Variants in SERPINB11 observed in about 807,000 individuals in gnomAD.
The protein encoded by SERPINB11 is serpin family B member 11.
In SERPINB11, 32 loss-of-function variants were observed where a neutral mutation model predicts 36.7. The observed-to-expected ratio is 0.87, with a 90% CI of 0.66 to 1.17. The LOEUF (loss-of-function observed/expected upper bound fraction) is 1.17, where lower values mean the gene tolerates loss of function less well. Among genes scored for constraint, SERPINB11 ranks in the 50% most tolerant of loss-of-function variants. The pLI is 0.00. For synonymous variants in SERPINB11, 174 were observed against 168.1 expected, an observed-to-expected ratio of 1.04 and a Z score of -0.27; for missense variants, 528 against 458.4, an observed-to-expected ratio of 1.15 and a Z score of -1.39.
intron 1 of SERPINB11, among the ~76,000 whole-genome samples, chr18:63,708,771 G>A (rs1343639155): frequency 6.6e-6 from 1 of 152,194 alleles, no homozygotes; most frequent in Non-Finnish European, 1.5e-5. Flanking sequence ...TGACATTGGA[G>A]GAATGAGGTT....
Position 63,710,205 on chromosome 18 carries a change from C to T in SERPINB11, c.12C>T (p.Leu4=), listed in dbSNP as rs559291005. The T allele has an allele frequency of 1.6e-5, 26 of 1,609,040 alleles. No homozygotes were observed. In the South Asian group the frequency reaches 2.9e-4, roughly 18 times the overall value. Residue 4 remains leucine (L), a synonymous_variant, in exon 2 of 8, where the codon CTC becomes CTT. Transcript: ENST00000544088. MGS[L]STANVEFCLD... ...CAGTCGGCATAAAAATGGGTTCTCT[C>T]AGCACAGCTAACGTTGAATTTTGCC...
At chr18:63,719,853 C>A (rs1373886512) in intron 5 of SERPINB11, among the ~76,000 whole-genome samples, 160 bp from the exon 6 acceptor site, 2 of 152,064 alleles carry the variant, frequency 1.3e-5, no homozygotes, top group Non-Finnish European at 2.9e-5. Context: ...CTTCATTTGA[C>A]AAAGAAGGCT....
At position 63,723,372 on chromosome 18, in the gene SERPINB11, A is replaced by G. The variant is rs1914877245; in HGVS notation, c.1152A>G (p.Leu384=). The G allele has an allele frequency of 6.2e-7, 1 of 1,608,810 alleles. No individual in the cohort carries two copies. The highest frequency in any genetic ancestry group is 8.5e-7 in the Non-Finnish European group (1 of 1,176,208). The change falls in exon 8 of 8, where the codon CTA becomes CTG. Residue 384 remains leucine, a synonymous_variant. Transcript: ENST00000544088. ...GGCACACTCATACCAACACGATCCT[A>G]TTCTGTGGCAAGCTTGCCTCTCCCT... The part of the protein sequence containing the change: ...FIRHTHTNTI[L]FCGKLASP
In SERPINB11 at chr18:63,720,989, A is replaced by G. The variant is rs192415874; in HGVS notation, c.774+3A>G. ...TAGGCATAGCTAATCTGAAACAGGT[A>G]AAATTATAAGAATGCTATAATGCAG... On this transcript the variant is annotated splice_donor_region_variant and intron_variant, in intron 7 of 7. Transcript: ENST00000544088. The G allele has an allele frequency of 2.1e-5, 33 of 1,605,060 alleles. No homozygotes were observed. The highest frequency in any genetic ancestry group is 2.8e-5 in the Non-Finnish European group (33 of 1,175,912).
intron 4 of SERPINB11, among the ~76,000 whole-genome samples, chr18:63,713,880 A>T (rs1248194833): frequency 6.6e-6 from 1 of 152,174 alleles, no homozygotes; most frequent in East Asian, 1.9e-4. Context: ...GATTGTCTTG[A>T]ACTATGTCAT....
chr18:63,720,794 A>G lies in SERPINB11; in HGVS notation c.619-37A>G, dbSNP rs554336336. On this transcript the variant is annotated intron_variant, in intron 6 of 7. Transcript: ENST00000544088. The stretch of plus-strand genomic sequence containing the variant: ...TCAGTACACACACATGTGCACTCAC[A>G]TATGTAAGTATACTATAATCTTTTT... 10 of 1,468,306 alleles carry G rather than the reference A, an allele frequency of 6.8e-6. No homozygotes were observed. In the East Asian group the frequency reaches 2.5e-4, roughly 36 times the overall value. The allele number at this position is 1,468,306 out of a possible 1,614,324, so 91.0% of individuals were successfully genotyped here. A position where few individuals can be genotyped will look rare whatever the true frequency, so the allele number is the denominator to read the frequency against.
At chr18:63,706,803 A>C (rs1278344678) in intron 1 of SERPINB11, among the ~76,000 whole-genome samples, 10 of 152,214 alleles carry the variant, frequency 6.6e-5, no homozygotes, top group Admixed American at 6.5e-4. Context: ...TTGGGTAATC[A>C]ATTCACTCAA....
intron 4 of SERPINB11, among the ~76,000 whole-genome samples, chr18:63,714,734 T>A (rs1276355998): frequency 6.6e-6 from 1 of 152,212 alleles, no homozygotes; most frequent in East Asian, 1.9e-4. Flanking sequence ...TCCTGTTCTT[T>A]TTTCAAGTTG....
At position 63,717,352 on chromosome 18, in the gene SERPINB11, C is replaced by T. The variant is rs142923362; in HGVS notation, c.475+1200C>T. ...GCTGTGAATATTTTTGATACATATC[C>T]CTGGTACACATATGTATGCACTTTT... On this transcript the variant is annotated intron_variant, in intron 5 of 7. Coordinates refer to ENST00000544088, the MANE Select transcript of SERPINB11 (RefSeq NM_001370475.1). 4.7e-3 allele frequency among the ~76,000 whole-genome samples: 720 copies of T among 151,986 alleles called. 5 individuals are homozygous for T. Among genetic ancestry groups the T allele is most frequent in the Non-Finnish European group, 6.2e-3 (422 of 67,900 alleles).
intron 1 of SERPINB11, among the ~76,000 whole-genome samples, chr18:63,706,847 CCTT>C (rs1315706689): frequency 1.6e-4 from 25 of 152,296 alleles, no homozygotes; most frequent in African/African-American, 5.3e-4. Context: ...TTCTGCCTGT[CCTT>C]CTTCTCTGAA....
At chr18:63,704,927 C>A (rs887489591) in intron 1 of SERPINB11, among the ~76,000 whole-genome samples, 1 of 152,110 alleles carries the variant, frequency 6.6e-6, no homozygotes, top group Non-Finnish European at 1.5e-5. Flanking sequence ...TGGGCATCTG[C>A]CATCGGCAAA....
chr18:63,710,699 A>G (rs1038428102), intron 2 of SERPINB11, among the ~76,000 whole-genome samples: 3 of 152,198 alleles, frequency 2.0e-5, no homozygotes, highest in Non-Finnish European at 4.4e-5. Context: ...ATTTATAATA[A>G]ACATAATGCT....
chr18:63,712,778 T>C, intron 4 of SERPINB11, 85 bp downstream of exon 4: 1 of 1,384,988 alleles, frequency 7.2e-7, no homozygotes, highest in Non-Finnish European at 1.0e-6. Flanking sequence ...GTGAGAAGAG[T>C]CACATGACAT....
intron 7 of SERPINB11, among the ~76,000 whole-genome samples, chr18:63,721,730 G>C (rs1481806251): frequency 6.6e-6 from 1 of 152,132 alleles, no homozygotes; most frequent in African/African-American, 2.4e-5. Context: ...GTGTGTGTCG[G>C]GTGGTAGGGA....
chr18:63,719,744 T>C (rs978217047), intron 5 of SERPINB11, among the ~76,000 whole-genome samples: 45 of 152,116 alleles, frequency 3.0e-4, no homozygotes, highest in Admixed American at 1.9e-3. Context: ...TCGATGTAAC[T>C]AGGCATAAGA....
chr18:63,711,217 T>C (rs1914513120), intron 2 of SERPINB11, 118 bp from the exon 3 acceptor site: 2 of 732,014 alleles, frequency 2.7e-6, no homozygotes, highest in African/African-American at 3.5e-5. Flanking sequence ...CATTATTAAA[T>C]GTTAGCTATC....
chr18:63,712,711 A>T lies in SERPINB11; in HGVS notation c.357+18A>T. On this transcript the variant is annotated intron_variant, in intron 4 of 7. Coordinates refer to ENST00000544088, the MANE Select transcript of SERPINB11 (RefSeq NM_001370475.1). ...TTCATCAGGTAAGTCCATTTGGAAG[A>T]GTGATCAACAACTTTCTTGGCGTCC... is the stretch of plus-strand genomic sequence containing the variant. 6.2e-7 allele frequency: 1 copy of T among 1,606,592 alleles called. No individual in the cohort carries two copies. The highest frequency in any genetic ancestry group is 8.5e-7 in the Non-Finnish European group (1 of 1,175,438).
chr18:63,712,781 C>A, intron 4 of SERPINB11, 88 bp downstream of exon 4: 2 of 1,372,298 alleles, frequency 1.5e-6, no homozygotes, highest in Admixed American at 1.8e-5. Flanking sequence ...AGAAGAGTCA[C>A]ATGACATTTA....
chr18:63,722,951 C>G, intron 7 of SERPINB11, 44 bp from the exon 8 acceptor site: 1 of 1,492,132 alleles, frequency 6.7e-7, no homozygotes, highest in Non-Finnish European at 8.9e-7. Context: ...ATGTAGAGGT[C>G]GTGTGTTTGA....
Sources: allele counts gnomAD v4.1 joint callset (sites outside exome capture counted in the v4.1 genomes callset), GRCh38; gene constraint gnomAD v4.1.1; transcripts MANE v1.5; gene names NCBI Gene and HGNC (gene_info 2026-07-23, HGNC 2026-07-21).